Variants in GPM6A observed in about 807,000 individuals in gnomAD.
GPM6A encodes glycoprotein M6A.
In GPM6A, 7 loss-of-function variants were observed where a neutral mutation model predicts 32.1. The observed-to-expected ratio is 0.22, with a 90% CI of 0.12 to 0.41. GPM6A has a LOEUF of 0.41. Among genes scored for constraint, GPM6A ranks in the 10% least tolerant of loss-of-function variants. The probability of loss-of-function intolerance (pLI) is 1.00; values close to 1 mark genes in which losing one functional copy is unlikely to be tolerated. For synonymous variants in GPM6A, 130 were observed against 123.4 expected (o/e 1.05, Z -0.35); for missense variants, 235 against 347.2 (o/e 0.68, Z 2.57).
At chr4:175,650,290 ATTTATTTATT>A (rs1741717249) in intron 4 of GPM6A, among the ~76,000 whole-genome samples, 3 of 65,096 alleles carry the variant, frequency 4.6e-5, no homozygotes, top group East Asian at 1.9e-3. Flanking sequence ...TTATTTATTT[ATTTATTTATT>A]TATTTATTTA....
At chr4:175,974,495 A>T (rs1390718571) in intron 1 of GPM6A, among the ~76,000 whole-genome samples, 2 of 151,968 alleles carry the variant, frequency 1.3e-5, no homozygotes, top group African/African-American at 2.4e-5. Flanking sequence ...AGCTGGGATT[A>T]CAGGCGTGAG....
intron 1 of GPM6A, among the ~76,000 whole-genome samples, chr4:175,826,840 A>T (rs1004412994): frequency 2.6e-5 from 4 of 152,096 alleles, no homozygotes. Context: ...AAAGAGTCCT[A>T]ATGTTGATTT....
intron 1 of GPM6A, among the ~76,000 whole-genome samples, chr4:175,947,193 A>C (rs910955634): frequency 6.6e-6 from 1 of 152,020 alleles, no homozygotes; most frequent in African/African-American, 2.4e-5. Flanking sequence ...TCTTTAAAAA[A>C]AAAAAAACAC....
intron 1 of GPM6A, among the ~76,000 whole-genome samples, chr4:175,884,972 G>A (rs1737405422): frequency 6.6e-6 from 1 of 152,166 alleles, no homozygotes; most frequent in Non-Finnish European, 1.5e-5. Context: ...CCAATACTAA[G>A]TGCTGGTGAG....
At chr4:175,648,568 C>T (rs1456986139) in intron 4 of GPM6A, among the ~76,000 whole-genome samples, 7 of 152,138 alleles carry the variant, frequency 4.6e-5, no homozygotes, top group Non-Finnish European at 8.8e-5. Context: ...CTTAAAGCAA[C>T]ACAAGTTTGT....
At chr4:175,882,486 T>C (rs1737311187) in intron 1 of GPM6A, among the ~76,000 whole-genome samples, 1 of 152,072 alleles carries the variant, frequency 6.6e-6, no homozygotes, top group African/African-American at 2.4e-5. Context: ...TTTTCACAAA[T>C]AATTTATTCT....
intron 2 of GPM6A, among the ~76,000 whole-genome samples, chr4:175,693,214 G>C (rs1480506783): frequency 6.6e-6 from 1 of 150,460 alleles, no homozygotes; most frequent in Non-Finnish European, 1.5e-5. Context: ...TTCTGAATGA[G>C]TACATTCATT....
At chr4:175,646,841 T>C (rs1741489245) in intron 4 of GPM6A, among the ~76,000 whole-genome samples, 1 of 152,168 alleles carries the variant, frequency 6.6e-6, no homozygotes, top group South Asian at 2.1e-4. Context: ...TACCTCCTTA[T>C]CCCCTAATTC....
intron 1 of GPM6A, among the ~76,000 whole-genome samples, chr4:175,774,380 A>G (rs188003092): frequency 6.6e-6 from 1 of 152,232 alleles, no homozygotes; most frequent in African/African-American, 2.4e-5. Context: ...TCTTATTTGT[A>G]TAAAATCTAA....
chr4:175,941,293 GGATAA>G (rs2126342744), intron 1 of GPM6A, among the ~76,000 whole-genome samples: 1 of 151,912 alleles, frequency 6.6e-6, no homozygotes, highest in East Asian at 1.9e-4. Context: ...AATATGTTAG[GGATAA>G]TACTAGAGAC....
chr4:175,931,709 C>CACACACACATATATATAT (rs1324269132), intron 1 of GPM6A, among the ~76,000 whole-genome samples: 12 of 129,296 alleles, frequency 9.3e-5, no homozygotes, highest in African/African-American at 3.4e-4. Context: ...CACACACACA[C>CACACACACATATATATAT]ATATATATAT....
intron 1 of GPM6A, among the ~76,000 whole-genome samples, chr4:175,751,260 T>C (rs1330459494): frequency 6.6e-6 from 1 of 152,084 alleles, no homozygotes; most frequent in Non-Finnish European, 1.5e-5. Flanking sequence ...ATATAAAATA[T>C]AGACAGAAAA....
chr4:175,782,806 ATTTC>A (rs1389010986), intron 1 of GPM6A, among the ~76,000 whole-genome samples: 3 of 152,032 alleles, frequency 2.0e-5, no homozygotes, highest in South Asian at 4.1e-4. Context: ...AATTATTCTC[ATTTC>A]TTTCTTTAAT....
chr4:175,774,293 T>G (rs1176254522), intron 1 of GPM6A, among the ~76,000 whole-genome samples: 1 of 152,080 alleles, frequency 6.6e-6, no homozygotes, highest in African/African-American at 2.4e-5. Flanking sequence ...GCTCAGTAAT[T>G]AACTCTTGGA....
chr4:175,884,754 G>A (rs1192121036), intron 1 of GPM6A, among the ~76,000 whole-genome samples: 5 of 151,886 alleles, frequency 3.3e-5, no homozygotes, highest in African/African-American at 7.3e-5. Context: ...GGTTGGTCTC[G>A]AACTCCTGAC....
intron 1 of GPM6A, among the ~76,000 whole-genome samples, chr4:175,944,766 A>T (rs1322651389): frequency 6.6e-6 from 1 of 152,320 alleles, no homozygotes; most frequent in East Asian, 1.9e-4. Context: ...TCTTAGTGGC[A>T]TGGACGACAA....
At chr4:175,985,334 A>T (rs530200974) in intron 1 of GPM6A, among the ~76,000 whole-genome samples, 1 of 152,306 alleles carries the variant, frequency 6.6e-6, no homozygotes, top group Non-Finnish European at 1.5e-5. Flanking sequence ...GGATTAGTAT[A>T]AAACTTTTTG....
chr4:175,955,138 C>T (rs1014268466), intron 1 of GPM6A, among the ~76,000 whole-genome samples: 6 of 152,304 alleles, frequency 3.9e-5, no homozygotes, highest in East Asian at 3.9e-4. Flanking sequence ...CATGGCTGGA[C>T]GAAGCCTGCA....
At chr4:175,788,721 G>A (rs752635509) in intron 1 of GPM6A, among the ~76,000 whole-genome samples, 11 of 152,134 alleles carry the variant, frequency 7.2e-5, no homozygotes, top group South Asian at 6.2e-4. Context: ...ATTTTGTTTC[G>A]GAAGTAAATT....
Sources: allele counts gnomAD v4.1 joint callset (sites outside exome capture counted in the v4.1 genomes callset), GRCh38; gene constraint gnomAD v4.1.1; transcripts MANE v1.5; gene names NCBI Gene and HGNC (gene_info 2026-07-23, HGNC 2026-07-21).